DAB1: variants seen among roughly 807,000 people sequenced by gnomAD.
The protein encoded by DAB1 is DAB adaptor protein 1.
DAB1 carries 15 observed loss-of-function variants against 64.6 expected under a neutral mutation model. The observed-to-expected ratio is 0.23, with a 90% confidence interval of 0.16 to 0.36. DAB1 has a LOEUF of 0.36. DAB1 is among the 10% of genes least tolerant of loss of function. The pLI, the probability that DAB1 is intolerant of heterozygous loss-of-function variation, is 1.00. For synonymous variants in DAB1, 235 were observed against 251.9 expected (o/e 0.93, Z 0.64); for missense variants, 596 against 706.7 (o/e 0.84, Z 1.78).
intron 3 of DAB1, among the ~76,000 whole-genome samples, chr1:58,495,966 T>C (rs934779405): frequency 3.3e-5 from 5 of 152,184 alleles, no homozygotes; most frequent in African/African-American, 1.2e-4. Context: ...TTTAAATATC[T>C]AAGCTTGTCA....
chr1:58,159,589 T>C (rs1392191636), intron 4 of DAB1, among the ~76,000 whole-genome samples: 1 of 152,202 alleles, frequency 6.6e-6, no homozygotes, highest in African/African-American at 2.4e-5. Context: ...ATTACTGCAA[T>C]GTAACAGAGC....
intron 4 of DAB1, among the ~76,000 whole-genome samples, chr1:58,167,198 G>A (rs151142193): frequency 4.8e-4 from 73 of 152,330 alleles, no homozygotes; most frequent in African/African-American, 1.5e-3. Flanking sequence ...GTCAGGTGGG[G>A]ACTTGGAAAA....
chr1:57,204,248 T>C (rs1484245095), intron 2 of DAB1, among the ~76,000 whole-genome samples: 2 of 152,202 alleles, frequency 1.3e-5, no homozygotes, highest in Non-Finnish European at 2.9e-5. Context: ...AAATCATATC[T>C]GGAAGCTGGT....
chr1:57,255,392 T>C (rs1264618691), intron 2 of DAB1, among the ~76,000 whole-genome samples: 1 of 151,796 alleles, frequency 6.6e-6, no homozygotes, highest in Non-Finnish European at 1.5e-5. Context: ...CCAGGTGAGG[T>C]GGCTCATGAC....
At chr1:57,402,073 A>C (rs1156905755) in intron 1 of DAB1, among the ~76,000 whole-genome samples, 2 of 152,240 alleles carry the variant, frequency 1.3e-5, no homozygotes, top group Non-Finnish European at 2.9e-5. Flanking sequence ...TGAGGTAAAA[A>C]AAGAGAGACA....
chr1:57,454,242 A>G (rs1163096647), intron 7 of DAB1, among the ~76,000 whole-genome samples: 2 of 152,184 alleles, frequency 1.3e-5, no homozygotes, highest in Non-Finnish European at 2.9e-5. Context: ...TAGCAAAGAC[A>G]TGGAATCAAC....
intron 1 of DAB1, among the ~76,000 whole-genome samples, chr1:57,303,841 A>G (rs1163808426): frequency 6.6e-6 from 1 of 152,084 alleles, no homozygotes; most frequent in East Asian, 1.9e-4. Flanking sequence ...AGTCATACCC[A>G]GTGTTCACGA....
chr1:57,582,227 C>T (rs908531991), intron 7 of DAB1, among the ~76,000 whole-genome samples: 4 of 152,184 alleles, frequency 2.6e-5, no homozygotes, highest in Non-Finnish European at 5.9e-5. Context: ...ACTCACAGTT[C>T]CATGTGGCTG....
At chr1:57,237,718 G>A (rs1350898999) in intron 2 of DAB1, among the ~76,000 whole-genome samples, 1 of 152,148 alleles carries the variant, frequency 6.6e-6, no homozygotes, top group African/African-American at 2.4e-5. Flanking sequence ...TTCTAGAAGA[G>A]AAAGTAAAGG....
chr1:58,041,746 A>G (rs373959019), intron 5 of DAB1, among the ~76,000 whole-genome samples: 1 of 152,198 alleles, frequency 6.6e-6, no homozygotes, highest in South Asian at 2.1e-4. Flanking sequence ...TAGAATTGGC[A>G]TTGGCTTCCT....
chr1:58,074,827 A>G (rs1330504019), intron 5 of DAB1, among the ~76,000 whole-genome samples: 1 of 151,970 alleles, frequency 6.6e-6, no homozygotes, highest in Non-Finnish European at 1.5e-5. Context: ...GAGATAAGGA[A>G]AGGCAGGGAA....
At chr1:57,751,086 T>A (rs1648529271) in intron 6 of DAB1, among the ~76,000 whole-genome samples, 1 of 152,128 alleles carries the variant, frequency 6.6e-6, no homozygotes, top group South Asian at 2.1e-4. Context: ...TGGATACTGC[T>A]GAGCACCTGG....
At chr1:57,893,712 G>A (rs940778316) in intron 5 of DAB1, among the ~76,000 whole-genome samples, 3 of 152,082 alleles carry the variant, frequency 2.0e-5, no homozygotes, top group African/African-American at 4.8e-5. Flanking sequence ...AAAGGCTCCC[G>A]CCACCACCAG....
chr1:57,289,603 A>G (rs151050563), intron 2 of DAB1, among the ~76,000 whole-genome samples: 8 of 152,342 alleles, frequency 5.3e-5, no homozygotes, highest in African/African-American at 1.9e-4. Flanking sequence ...TGGCTGTCAA[A>G]GAGCTGCATA....
intron 4 of DAB1, among the ~76,000 whole-genome samples, chr1:58,172,232 A>G (rs866560276): frequency 6.6e-6 from 1 of 152,190 alleles, no homozygotes; most frequent in Non-Finnish European, 1.5e-5. Context: ...TGTCAGGGAG[A>G]GCAGGGATAG....
intron 1 of DAB1, among the ~76,000 whole-genome samples, chr1:57,339,920 C>T (rs971529127): frequency 5.3e-5 from 8 of 152,092 alleles, no homozygotes; most frequent in Admixed American, 1.3e-4. Context: ...TTCAAGTCAT[C>T]GCCAGGGAGG....
chr1:57,538,301 AT>A (rs1459826088), intron 7 of DAB1, among the ~76,000 whole-genome samples: 3 of 152,230 alleles, frequency 2.0e-5, no homozygotes, highest in African/African-American at 7.2e-5. Context: ...AGCAGCTAGC[AT>A]TCTTAGCTTC....
chr1:57,088,907 T>C (rs1330633726), intron 4 of DAB1, among the ~76,000 whole-genome samples: 2 of 152,244 alleles, frequency 1.3e-5, no homozygotes, highest in African/African-American at 4.8e-5. Flanking sequence ...ATTCTTTTAC[T>C]AATTGTCACC....
intron 6 of DAB1, among the ~76,000 whole-genome samples, chr1:57,780,698 C>T (rs1650023424): frequency 1.4e-5 from 2 of 146,200 alleles, no homozygotes; most frequent in African/African-American, 5.0e-5. Context: ...CTTTTGTTTC[C>T]TTCCTTCCTT....
Sources: gnomAD v4.1 joint callset for allele counts (sites outside exome capture counted in the v4.1 genomes callset) on GRCh38, gnomAD v4.1.1 for gene constraint, MANE v1.5 for transcripts, NCBI Gene and HGNC (gene_info 2026-07-23, HGNC 2026-07-21) for gene names.